The following DDX24 variants were observed in gnomAD, a reference collection of about 807,000 sequenced individuals.
DDX24 encodes ATP-dependent RNA helicase DDX24.
A neutral mutation model predicts 68.9 loss-of-function variants in DDX24; 24 were observed. The observed-to-expected ratio is 0.35, with a 90% CI of 0.25 to 0.49. The LOEUF (loss-of-function observed/expected upper bound fraction) is 0.49. Among genes scored for constraint, DDX24 ranks in the 20% least tolerant of loss-of-function variants. The pLI, the probability that DDX24 is intolerant of heterozygous loss-of-function variation, is 0.99. For missense variants in DDX24, 989 were observed against 1,039.0 expected, an observed-to-expected ratio of 0.95 and a Z score of 0.66; for synonymous variants, 395 against 385.2, an observed-to-expected ratio of 1.03 and a Z score of -0.30.
chr14:94,054,348 G>C (rs10136663), intron 7 of DDX24, among the ~76,000 whole-genome samples: 75,105 of 151,914 alleles, frequency 0.49, 19,411 homozygotes, highest in African/African-American at 0.65. Flanking sequence ...CTGTGCCATG[G>C]TTTTGCTCCC....
intron 7 of DDX24, among the ~76,000 whole-genome samples, chr14:94,053,758 G>C (rs899392058): frequency 1.2e-4 from 19 of 152,152 alleles, no homozygotes; most frequent in Non-Finnish European, 2.6e-4. Context: ...AGGTTGTGGT[G>C]AGCCAAGATT....
Position 94,079,734 on chromosome 14 carries a change from C to T in DDX24, c.9G>A (p.Leu3=). The change falls in exon 2 of 9, where the codon TTG becomes TTA. Residue 3 remains leucine, a synonymous_variant. Coordinates refer to ENST00000621632, the MANE Select transcript of DDX24 (RefSeq NM_020414.4). MK[L]KDTKSRPKQS... is the part of the protein sequence containing the mutation. ...GCTTTGGCCTTGATTTTGTGTCCTTCAACTTCATGGTTGCTGAAAAGGAGA... is the reference window on the plus strand; with the variant it reads ...GCTTTGGCCTTGATTTTGTGTCCTTTAACTTCATGGTTGCTGAAAAGGAGA... 6.2e-7 allele frequency: 1 copy of T among 1,613,478 alleles called. No homozygotes were observed. Among genetic ancestry groups the T allele is most frequent in the African/African-American group, 1.3e-5 (1 of 75,024 alleles).
chr14:94,053,108 C>T lies in DDX24; in HGVS notation c.2198G>A (p.Arg733Gln), dbSNP rs765196503. Residue 733 changes from arginine to glutamine, a missense_variant, in exon 8 of 9, where the codon CGA becomes CAA. Coordinates refer to ENST00000621632, the MANE Select transcript of DDX24 (RefSeq NM_020414.4). Reference protein sequence around the residue: ...DVVKERIRLARQIEKSEYRNF... With the variant: ...DVVKERIRLAQQIEKSEYRNF... ...CCGATACTCAGATTTCTCAATCTGTCGAGCTAAACGGATTCGCTCCTGGGG... is the reference window on the plus strand; with the variant it reads ...CCGATACTCAGATTTCTCAATCTGTTGAGCTAAACGGATTCGCTCCTGGGG... 2.0e-5 allele frequency: 33 copies of T among 1,614,030 alleles called. No homozygotes were observed. Among genetic ancestry groups the T allele is most frequent in the Non-Finnish European group, 2.5e-5 (30 of 1,180,032 alleles).
chr14:94,063,459 G>A (rs1309111214), intron 2 of DDX24, among the ~76,000 whole-genome samples: 1 of 152,150 alleles, frequency 6.6e-6, no homozygotes, highest in African/African-American at 2.4e-5. Context: ...AAAACAAAAT[G>A]TGAAATAAAG....
At chr14:94,073,133 T>A (rs1885868059) in intron 2 of DDX24, among the ~76,000 whole-genome samples, 2 of 149,640 alleles carry the variant, frequency 1.3e-5, no homozygotes, top group African/African-American at 5.0e-5. Context: ...TCACCCAGGA[T>A]GGAGTGCAGT....
intron 7 of DDX24, chr14:94,053,451 T>C: frequency 1.7e-5 from 4 of 228,676 alleles, no homozygotes; most frequent in South Asian, 6.8e-5. Flanking sequence ...TCAAGCAATC[T>C]TTCCACTTCA....
In DDX24 at chr14:94,079,547, A is replaced by T. The variant is rs1886016186; in HGVS notation, c.196T>A (p.Ser66Thr). Reference protein sequence around the residue: ...YQLVSPAKNPSSLFSKEAPKR... With the variant: ...YQLVSPAKNPTSLFSKEAPKR... The stretch of plus-strand genomic sequence containing the variant: ...GGTGCTTCCTTTGAGAAGAGACTGG[A>T]GGGATTCTTGGCAGGGGAGACCAAC... Residue 66 changes from serine (S) to threonine (T), a missense_variant, in exon 2 of 9, where the codon TCC (serine) becomes ACC (threonine). By Grantham distance (58) the Ser-to-Thr change is moderately conservative (BLOSUM62 1). Coordinates refer to ENST00000621632, the MANE Select transcript of DDX24 (RefSeq NM_020414.4). 6.2e-7 allele frequency: 1 copy of T among 1,614,112 alleles called. No homozygotes were observed. The highest frequency in any genetic ancestry group is 8.5e-7 in the Non-Finnish European group (1 of 1,180,026).
At chr14:94,059,285 C>A (rs60505126) in intron 5 of DDX24, among the ~76,000 whole-genome samples, 1 of 152,242 alleles carries the variant, frequency 6.6e-6, no homozygotes, top group Non-Finnish European at 1.5e-5. Flanking sequence ...CTCATCTTGA[C>A]AATCTGCACC....
intron 6 of DDX24, 93 bp from the exon 7 acceptor site, chr14:94,055,277 C>T: frequency 7.5e-7 from 1 of 1,336,260 alleles, no homozygotes; most frequent in Non-Finnish European, 1.0e-6. Context: ...ACCCTCCTAC[C>T]TCCCAGCCAG....
Position 94,060,332 on chromosome 14 carries a change from A to G in DDX24, c.1679T>C (p.Val560Ala). The G allele has an allele frequency of 6.2e-7, 1 of 1,614,196 alleles. No individual in the cohort carries two copies. The highest frequency in any genetic ancestry group is 2.2e-5 in the East Asian group (1 of 44,878). The change falls in exon 5 of 9, where the codon GTG becomes GCG. Residue 560 changes from valine (V) to alanine (A), a missense_variant. This residue lies in a region of DDX24 where 691 missense variants were observed against 760.0 expected (regional missense o/e 0.91). Coordinates refer to ENST00000621632, the MANE Select transcript of DDX24 (RefSeq NM_020414.4). ...VIDLTRNEAT[V>A]ETLTETKIHC... is the part of the protein sequence containing the mutation. ...GATCTTGGTCTCTGTTAGCGTCTCC[A>G]CCGTGGCCTCATTCCTTGTGAGGTC...
chr14:94,060,190 G>A lies in DDX24; in HGVS notation c.1821C>T (p.Leu607=). The change falls in exon 5 of 9, where the codon CTC becomes CTT. Residue 607 remains leucine, a synonymous_variant. Transcript: ENST00000621632. ...TCAAGGGCATGATATCAAGGACTTT[G>A]AGGAGCCCAGAGAGGCGTTTGATGC... The part of the protein sequence containing the change: ...ISCIKRLSGL[L]KVLDIMPLTL... 1 of 1,614,218 alleles carries A rather than the reference G, an allele frequency of 6.2e-7. No individual in the cohort carries two copies. Among genetic ancestry groups the A allele is most frequent in the Non-Finnish European group, 8.5e-7 (1 of 1,180,044 alleles).
In DDX24 at chr14:94,055,143, T is replaced by A. The variant is rs370120289; in HGVS notation, c.2031A>T (p.Arg677=). The A allele has an allele frequency of 3.0e-5, 48 of 1,614,148 alleles. 1 individual carries two copies. The South Asian group carries it at 3.2e-4, about 11-fold the overall frequency. ...TSEIYVHRSG[R]TARATNEGLS... ...GGCCTTCATTGGTAGCTCGAGCAGT[T>A]CGACCACTTCGGTGGACATAAATCT... The change falls in exon 7 of 9, where the codon CGA becomes CGT. Residue 677 remains arginine (R), a synonymous_variant. Transcript: ENST00000621632.
intron 8 of DDX24, 105 bp from the exon 9 acceptor site, chr14:94,051,567 G>A: frequency 6.9e-7 from 1 of 1,444,502 alleles, no homozygotes; most frequent in Non-Finnish European, 9.1e-7. Context: ...CTACTTTAGG[G>A]AGGCAGGGTT....
intron 1 of DDX24, among the ~76,000 whole-genome samples, chr14:94,080,702 AC>A (rs1451478616): frequency 2.1e-4 from 31 of 150,630 alleles, no homozygotes; most frequent in Admixed American, 2.6e-4. Context: ...CGGCAAAAAA[AC>A]AAAAAACAAA....
Position 94,060,418 on chromosome 14 carries a change from T to C in DDX24, c.1593A>G (p.Lys531=). The stretch of plus-strand genomic sequence containing the variant: ...GCATAAGGAGGTCAAGTTTGGCTGT[T>C]TTATCCATTTTCTTGGTGTGCTTCT... ...LHKKHTKKMD[K]TAKLDLLMQK... is the part of the protein sequence containing the mutation. The change falls in exon 5 of 9, where the codon AAA becomes AAG. Residue 531 remains lysine, a synonymous_variant. Transcript: ENST00000621632. The C allele has an allele frequency of 1.2e-6, 2 of 1,614,184 alleles. No homozygotes were observed. The highest frequency in any genetic ancestry group is 1.7e-6 in the Non-Finnish European group (2 of 1,180,038).
rs1479172074 is a variant in DDX24 at position 94,050,983 on chromosome 14, C to A, written c.*208G>T. On this transcript the variant is annotated 3_prime_UTR_variant, in exon 9 of 9. Transcript: ENST00000621632. Reference sequence around the variant, plus strand: ...ACACACAAGAAGCCTATAAACACTGCAATACAGAAAAATTAAGCTGCTGCA... The same window carrying A: ...ACACACAAGAAGCCTATAAACACTGAAATACAGAAAAATTAAGCTGCTGCA... 2.2e-6 allele frequency: 1 copy of A among 462,840 alleles called. No homozygotes were observed. The allele number at this position is 462,840 out of a possible 1,614,324, so 28.7% of individuals were successfully genotyped here.
chr14:94,080,417 G>A (rs971600718), intron 1 of DDX24, among the ~76,000 whole-genome samples: 1 of 152,120 alleles, frequency 6.6e-6, no homozygotes, highest in Non-Finnish European at 1.5e-5. Flanking sequence ...TTTTCAGAAA[G>A]GCCAAGAAAG....
At position 94,049,334 on chromosome 14, in the gene DDX24, GGA is replaced by G. The variant is rs1390081575; in HGVS notation, c.*1855_*1856del. On this transcript the variant is annotated 3_prime_UTR_variant, in exon 9 of 9. Coordinates refer to ENST00000621632, the MANE Select transcript of DDX24 (RefSeq NM_020414.4). ...ACCACCACTGCATCATTTGGAAAATGGAGAGTCTCCCTGCCATTCTCTGATAG... is the reference window on the plus strand; with the variant it reads ...ACCACCACTGCATCATTTGGAAAATGGAGTCTCCCTGCCATTCTCTGATAG... The G allele has an allele frequency of 2.0e-5, 3 of 152,230 alleles. No homozygotes were observed. The highest frequency in any genetic ancestry group is 7.2e-5 in the African/African-American group (3 of 41,444). The allele number at this position is 152,230 out of a possible 1,614,324, so 9.4% of individuals were successfully genotyped here. A position where few individuals can be genotyped will look rare whatever the true frequency, so the allele number is the denominator to read the frequency against.
In DDX24 at chr14:94,060,881, G is replaced by A. The variant is rs181651952; in HGVS notation, c.1397+32C>T. 1.4e-5 allele frequency: 22 copies of A among 1,611,352 alleles called. No homozygotes were observed. The East Asian group carries it at 2.9e-4, about 21-fold the overall frequency. ...CCTAAGGCTCATTTCAGAAAAGGCAGTGAGGGGGAAAAGAGAAGTGCCATC... is the reference window on the plus strand; with the variant it reads ...CCTAAGGCTCATTTCAGAAAAGGCAATGAGGGGGAAAAGAGAAGTGCCATC... On this transcript the variant is annotated intron_variant, in intron 4 of 8. Coordinates refer to ENST00000621632, the MANE Select transcript of DDX24 (RefSeq NM_020414.4).
Sources: gnomAD v4.1 joint callset for allele counts (sites outside exome capture counted in the v4.1 genomes callset) on GRCh38, gnomAD v4.1.1 for gene constraint, gnomAD v4.1.1 regional missense constraint, MANE v1.5 for transcripts, NCBI Gene and HGNC (gene_info 2026-07-23, HGNC 2026-07-21) for gene names.